The following TPH2 variants were observed in gnomAD, a reference collection of about 807,000 sequenced individuals.
TPH2 encodes the protein tryptophan 5-hydroxylase 2.
Under a neutral mutation model 59.1 loss-of-function variants are expected in TPH2, and 27 were observed. The ratio of observed to expected loss-of-function variants is 0.46; its 90% confidence interval spans 0.34 to 0.63. The LOEUF is 0.63. TPH2 is among the 30% of genes least tolerant of loss of function. The probability of loss-of-function intolerance (pLI) is 0.01; values close to 1 mark genes in which losing one functional copy is unlikely to be tolerated. For synonymous variants in TPH2, 220 were observed against 210.5 expected (o/e 1.05, Z -0.39); for missense variants, 523 against 588.3 (o/e 0.89, Z 1.15).
intron 9 of TPH2, among the ~76,000 whole-genome samples, chr12:72,029,439 C>T (rs1403658307): frequency 2.6e-5 from 4 of 152,094 alleles, no homozygotes; most frequent in Admixed American, 6.6e-5. Flanking sequence ...AAAGCTAATT[C>T]GAATTCTGAA....
chr12:72,026,823 A>C (rs188197480), intron 9 of TPH2, among the ~76,000 whole-genome samples: 3 of 152,318 alleles, frequency 2.0e-5, no homozygotes, highest in Non-Finnish European at 4.4e-5. Context: ...ATCATTGCCT[A>C]ATTTGGCAAT....
At chr12:71,981,366 G>C (rs1445993086) in intron 7 of TPH2, among the ~76,000 whole-genome samples, 22 of 152,198 alleles carry the variant, frequency 1.4e-4, no homozygotes, top group Admixed American at 6.5e-5. Context: ...AGCTATCCAA[G>C]GTTCTTAGGC....
intron 8 of TPH2, among the ~76,000 whole-genome samples, chr12:72,006,664 T>C (rs1032298209): frequency 1.3e-5 from 2 of 152,136 alleles, no homozygotes; most frequent in African/African-American, 4.8e-5. Context: ...TTGCTAACAT[T>C]GGACAATGTA....
At chr12:71,939,984 T>C (rs1871012395) in intron 1 of TPH2, among the ~76,000 whole-genome samples, 1 of 152,220 alleles carries the variant, frequency 6.6e-6, no homozygotes. Context: ...GACTGACATA[T>C]TATTACTGAT....
At chr12:72,014,395 C>CTTTTTTTTT (rs71437200) in intron 8 of TPH2, among the ~76,000 whole-genome samples, 4 of 139,878 alleles carry the variant, frequency 2.9e-5, no homozygotes, top group African/African-American at 8.1e-5. Context: ...TTCTTTTTTT[C>CTTTTTTTTT]TTTTTTTTTT....
chr12:71,965,524 T>C (rs1401676662), intron 5 of TPH2: 6 of 152,230 alleles, frequency 3.9e-5, no homozygotes, highest in Non-Finnish European at 7.3e-5. Flanking sequence ...TTTGCATTTC[T>C]CTAATGATCA....
At chr12:71,962,734 TTGTTTTGAGATAGAGTATCTGTCA>T (rs1871721688) in intron 5 of TPH2, 1 of 957,040 alleles carries the variant, frequency 1.0e-6, no homozygotes. Flanking sequence ...TTGTTTTGTT[TTGTTTTGAGATAGAGTATCTGTCA>T]TCCAAGCTGA....
At chr12:71,955,770 C>T (rs930312335) in intron 5 of TPH2, among the ~76,000 whole-genome samples, 2 of 152,156 alleles carry the variant, frequency 1.3e-5, no homozygotes, top group African/African-American at 4.8e-5. Flanking sequence ...TGTCCTCATG[C>T]TCCAAATCAT....
chr12:72,031,458 T>G, intron 10 of TPH2, 63 bp from the exon 11 acceptor site: 1 of 1,613,058 alleles, frequency 6.2e-7, no homozygotes, highest in South Asian at 1.1e-5. Context: ...TTCCTTCCTT[T>G]TATCTATCCC....
intron 7 of TPH2, among the ~76,000 whole-genome samples, chr12:71,993,501 A>G (rs1291666252): frequency 6.6e-6 from 1 of 152,192 alleles, no homozygotes; most frequent in Non-Finnish European, 1.5e-5. Context: ...ATTCATGGCA[A>G]TGACTCAGGA....
chr12:71,975,023 T>C (rs1475877554), intron 6 of TPH2, among the ~76,000 whole-genome samples: 1 of 152,174 alleles, frequency 6.6e-6, no homozygotes, highest in East Asian at 1.9e-4. Flanking sequence ...GGCTATTATA[T>C]AGGTACTTTT....
intron 8 of TPH2, among the ~76,000 whole-genome samples, chr12:72,017,700 A>G (rs542565856): frequency 1.3e-5 from 2 of 152,276 alleles, no homozygotes; most frequent in East Asian, 3.9e-4. Flanking sequence ...AGGATTATTC[A>G]TTTGGTAAAT....
chr12:71,938,870 T>A lies in TPH2; in HGVS notation c.-117T>A. 1.2e-6 allele frequency: 1 copy of A among 862,976 alleles called. No homozygotes were observed. The highest frequency in any genetic ancestry group is 2.0e-6 in the Non-Finnish European group (1 of 511,298). 53.5% of individuals were successfully genotyped at this position (862,976 alleles called of 1,614,324 possible). A position where few individuals can be genotyped will look rare whatever the true frequency, so the allele number is the denominator to read the frequency against. On this transcript the variant is annotated 5_prime_UTR_variant, in exon 1 of 11. Coordinates refer to ENST00000333850, the MANE Select transcript of TPH2 (RefSeq NM_173353.4). ...GCATTGCTCTTCAGCACCAGGGTTC[T>A]GGACAGCGCCCCAAGCAGGCAGCTG...
rs1253828696 is a variant in TPH2, at chr12:71,994,552, A to G, written c.1055A>G (p.Gln352Arg). Residue 352 changes from glutamine (Q) to arginine (R), a missense_variant, in exon 8 of 11, where the codon CAG (glutamine) becomes CGG (arginine). Transcript: ENST00000333850. The stretch of plus-strand genomic sequence containing the variant: ...CTGGGAGCATCAGATGAAGATGTTC[A>G]GAAACTAGCCACGGTGAGTTCATTT... ...ASLGASDEDV[Q>R]KLATCYFFTI... The G allele has an allele frequency of 1.9e-6, 3 of 1,613,946 alleles. No homozygotes were observed. The highest frequency in any genetic ancestry group is 3.3e-4 in the Middle Eastern group (2 of 6,062).
At chr12:71,989,100 TAA>T (rs34334884) in intron 7 of TPH2, among the ~76,000 whole-genome samples, 1,245 of 116,250 alleles carry the variant, frequency 0.011, 15 homozygotes, top group Middle Eastern at 0.037. Flanking sequence ...CTGGCTTTAT[TAA>T]AAAAAAAAAA....
chr12:71,976,452 C>A (rs2139206633), intron 6 of TPH2, among the ~76,000 whole-genome samples: 1 of 152,254 alleles, frequency 6.6e-6, no homozygotes, highest in African/African-American at 2.4e-5. Context: ...GCAATGGTAT[C>A]TACAGATTCA....
chr12:71,974,832 C>T (rs1872072586), intron 6 of TPH2, among the ~76,000 whole-genome samples: 1 of 152,160 alleles, frequency 6.6e-6, no homozygotes, highest in Admixed American at 6.5e-5. Flanking sequence ...TATTTTCTTC[C>T]CTTAACTCTC....
At chr12:72,013,888 G>A (rs1873166578) in intron 8 of TPH2, among the ~76,000 whole-genome samples, 1 of 151,700 alleles carries the variant, frequency 6.6e-6, no homozygotes, top group African/African-American at 2.4e-5. Flanking sequence ...TCTAGCTGGG[G>A]TAGGTGGTAA....
intron 5 of TPH2, among the ~76,000 whole-genome samples, chr12:71,966,342 A>G (rs1023346007): frequency 6.6e-6 from 1 of 152,216 alleles, no homozygotes; most frequent in African/African-American, 2.4e-5. Context: ...CAGTAAAATT[A>G]TACATATTTT....
Sources: gnomAD v4.1 joint callset for allele counts (sites outside exome capture counted in the v4.1 genomes callset) on GRCh38, gnomAD v4.1.1 for gene constraint, MANE v1.5 for transcripts, NCBI Gene and HGNC (gene_info 2026-07-23, HGNC 2026-07-21) for gene names.